The following HTR1F variants were observed in gnomAD, a reference collection of about 807,000 sequenced individuals.
HTR1F encodes 5-hydroxytryptamine (serotonin) receptor 1F, G protein-coupled.
In HTR1F, 17 loss-of-function variants were observed where a neutral mutation model predicts 24.0. That is an observed-to-expected ratio of 0.71 (90% confidence interval 0.48 to 1.06). HTR1F has a LOEUF of 1.06. Ranked by LOEUF, HTR1F falls within the 50% of genes least tolerant of loss-of-function variation. The pLI is 0.00. For synonymous variants in HTR1F, 186 were observed against 156.8 expected (o/e 1.19, Z -1.39); for missense variants, 391 against 427.8 (o/e 0.91, Z 0.76).
At chr3:87,858,030 T>G (rs1705236001) in intron 2 of HTR1F, among the ~76,000 whole-genome samples, 1 of 152,178 alleles carries the variant, frequency 6.6e-6, no homozygotes. Flanking sequence ...ACTCTATCGG[T>G]CCTTTGGTAA....
At chr3:87,928,348 A>C (rs543531487) in intron 2 of HTR1F, among the ~76,000 whole-genome samples, 2 of 152,212 alleles carry the variant, frequency 1.3e-5, no homozygotes, top group East Asian at 3.9e-4. Flanking sequence ...CTAGGCCCTT[A>C]ATTTACTTTC....
At chr3:87,806,975 T>A (rs1054474233) in intron 1 of HTR1F, among the ~76,000 whole-genome samples, 6 of 152,072 alleles carry the variant, frequency 3.9e-5, no homozygotes, top group African/African-American at 1.2e-4. Flanking sequence ...TGTATTCGAT[T>A]CCACTGGTCT....
intron 1 of HTR1F, among the ~76,000 whole-genome samples, chr3:87,821,079 T>A (rs146139572): frequency 6.6e-6 from 1 of 152,304 alleles, no homozygotes; most frequent in East Asian, 1.9e-4. Flanking sequence ...CAGTTGTGCT[T>A]TATTCAAGAT....
At chr3:87,827,579 A>G (rs1704491694) in intron 2 of HTR1F, among the ~76,000 whole-genome samples, 1 of 152,236 alleles carries the variant, frequency 6.6e-6, no homozygotes, top group African/African-American at 2.4e-5. Flanking sequence ...TTGAGATTTC[A>G]AAGTTGAGAA....
At chr3:87,917,342 A>G (rs1703915790) in intron 2 of HTR1F, among the ~76,000 whole-genome samples, 1 of 151,598 alleles carries the variant, frequency 6.6e-6, no homozygotes, top group African/African-American at 2.4e-5. Flanking sequence ...CAGCAGAAGA[A>G]TGGAAATAAC....
At chr3:87,828,849 G>A (rs1053251528) in intron 2 of HTR1F, among the ~76,000 whole-genome samples, 11 of 151,942 alleles carry the variant, frequency 7.2e-5, no homozygotes, top group Admixed American at 2.0e-4. Flanking sequence ...CAACCTTCTG[G>A]ACGAAACAGT....
At chr3:87,848,417 A>T (rs1372544740) in intron 2 of HTR1F, among the ~76,000 whole-genome samples, 3 of 151,654 alleles carry the variant, frequency 2.0e-5, no homozygotes, top group Non-Finnish European at 4.4e-5. Context: ...TGGATATTCC[A>T]TGCGGAACAA....
At chr3:87,952,848 G>GT (rs147012818) in intron 2 of HTR1F, among the ~76,000 whole-genome samples, 39,904 of 149,898 alleles carry the variant, frequency 0.27, 5,691 homozygotes, top group African/African-American at 0.37. Context: ...CTTTTTACTT[G>GT]TTTTTTTTTC....
At chr3:87,908,795 T>G (rs530376251) in intron 2 of HTR1F, among the ~76,000 whole-genome samples, 1 of 152,174 alleles carries the variant, frequency 6.6e-6, no homozygotes, top group East Asian at 1.9e-4. Flanking sequence ...TTAAAGAAAC[T>G]TGCTATTTCT....
rs183905217 is a variant in HTR1F, at chr3:87,815,662, T to C, written c.-159-6346T>C. On this transcript the variant is annotated intron_variant, in intron 1 of 2. Coordinates refer to ENST00000319595, the MANE Select transcript of HTR1F (RefSeq NM_001322209.2). ...AAAGTTTTTGACAAGGGAAGTAACA[T>C]GATGGAAAGTGTAAGTTCCTGCAGT... is the stretch of plus-strand genomic sequence containing the variant. 8.6e-3 allele frequency among the ~76,000 whole-genome samples: 1,312 copies of C among 152,148 alleles called. 16 individuals are homozygous for C. Among genetic ancestry groups the C allele is most frequent in the Non-Finnish European group, 9.4e-3 (638 of 67,930 alleles).
At chr3:87,926,558 T>C (rs2107391522) in intron 2 of HTR1F, among the ~76,000 whole-genome samples, 1 of 152,284 alleles carries the variant, frequency 6.6e-6, no homozygotes, top group Admixed American at 6.5e-5. Flanking sequence ...TAATACCTAG[T>C]AAATTTCAAA....
chr3:87,793,459 G>T (rs1703851285), intron 1 of HTR1F: 1 of 152,168 alleles, frequency 6.6e-6, no homozygotes, highest in Non-Finnish European at 1.5e-5. Context: ...CCTCGCGGCT[G>T]CAGCTTGCCT....
At chr3:87,828,869 A>T (rs570303751) in intron 2 of HTR1F, among the ~76,000 whole-genome samples, 1 of 152,310 alleles carries the variant, frequency 6.6e-6, no homozygotes, top group Non-Finnish European at 1.5e-5. Context: ...TGCTAGAACT[A>T]TGTCATACTT....
At chr3:87,850,848 A>C (rs191387975) in intron 2 of HTR1F, among the ~76,000 whole-genome samples, 21 of 151,362 alleles carry the variant, frequency 1.4e-4, no homozygotes, top group African/African-American at 4.9e-4. Flanking sequence ...GTTTACCAAA[A>C]CTAATGCTAG....
At chr3:87,902,746 C>G (rs1360583942) in intron 2 of HTR1F, among the ~76,000 whole-genome samples, 2 of 107,114 alleles carry the variant, frequency 1.9e-5, no homozygotes, top group East Asian at 6.8e-4. Context: ...TATCCCTCCC[C>G]CCTCCCCCCA....
At chr3:87,883,796 A>G (rs1705868564) in intron 2 of HTR1F, among the ~76,000 whole-genome samples, 1 of 152,162 alleles carries the variant, frequency 6.6e-6, no homozygotes, top group Non-Finnish European at 1.5e-5. Context: ...TTTAGAGAAA[A>G]AAGAGTAAAA....
intron 2 of HTR1F, among the ~76,000 whole-genome samples, chr3:87,828,548 CT>C (rs1704510201): frequency 6.6e-6 from 1 of 152,166 alleles, no homozygotes; most frequent in Non-Finnish European, 1.5e-5. Flanking sequence ...GATTTTATCA[CT>C]TTTTATTTGA....
intron 2 of HTR1F, among the ~76,000 whole-genome samples, chr3:87,909,969 T>C (rs1703742592): frequency 6.6e-6 from 1 of 152,034 alleles, no homozygotes; most frequent in Non-Finnish European, 1.5e-5. Context: ...AACAGATTAA[T>C]CTATTCTTAA....
chr3:87,918,108 AAAC>A (rs1297909424), intron 2 of HTR1F, among the ~76,000 whole-genome samples: 1 of 152,054 alleles, frequency 6.6e-6, no homozygotes, highest in Non-Finnish European at 1.5e-5. Context: ...ACAGCATTAA[AAAC>A]AAAAATCACA....
Sources: gnomAD v4.1 joint callset for allele counts (sites outside exome capture counted in the v4.1 genomes callset) on GRCh38, gnomAD v4.1.1 for gene constraint, MANE v1.5 for transcripts, NCBI Gene and HGNC (gene_info 2026-07-23, HGNC 2026-07-21) for gene names.